The following CFAP47 variants were observed in gnomAD, a reference collection of about 807,000 sequenced individuals.
CFAP47 encodes cilia and flagella associated protein 47.
Under a neutral mutation model 148.1 loss-of-function variants are expected in CFAP47, and 29 were observed. The ratio of observed to expected loss-of-function variants is 0.20; its 90% CI spans 0.15 to 0.27. The LOEUF is 0.27. CFAP47 is among the 10% of genes least tolerant of loss of function. CFAP47 has a pLI of 1.00. For missense variants in CFAP47, 1,872 were observed against 1,697.5 expected (o/e 1.10, Z -1.81); for synonymous variants, 664 against 577.3 (o/e 1.15, Z -2.15).
intron 45 of CFAP47, among the ~76,000 whole-genome samples, chrX:36,215,375 A>G (rs896909381): frequency 1.3e-4 from 15 of 111,449 alleles, no homozygotes; most frequent in Non-Finnish European, 2.6e-4. Flanking sequence ...TTCTCTAGCT[A>G]AGATGTCAAA....
intron 63 of CFAP47, among the ~76,000 whole-genome samples, chrX:36,381,417 C>T (rs1468344518): frequency 8.9e-6 from 1 of 111,854 alleles, no homozygotes; most frequent in East Asian, 2.8e-4. Context: ...TGATTTTAAG[C>T]ATTAAGTCAA....
At chrX:36,315,230 T>C (rs1457477598) in intron 56 of CFAP47, among the ~76,000 whole-genome samples, 1 of 112,241 alleles carries the variant, frequency 8.9e-6, no homozygotes, top group Non-Finnish European at 1.9e-5. Flanking sequence ...CTAAATATTA[T>C]TGTGGTTGTG....
intron 49 of CFAP47, among the ~76,000 whole-genome samples, chrX:36,261,232 T>C (rs1018133424): frequency 9.4e-6 from 1 of 106,549 alleles, no homozygotes. Context: ...TAGTGCTTAT[T>C]AAAACACCTG....
chrX:36,095,483 A>G (rs1382349564), intron 30 of CFAP47, among the ~76,000 whole-genome samples: 1 of 111,696 alleles, frequency 9.0e-6, no homozygotes, highest in Non-Finnish European at 1.9e-5. Flanking sequence ...TAAATATTTA[A>G]ATATTCAGCA....
chrX:36,246,037 G>A (rs911894031), intron 48 of CFAP47, among the ~76,000 whole-genome samples: 3 of 111,230 alleles, frequency 2.7e-5, no homozygotes. Context: ...GTACCCAAAA[G>A]TAAATTGCAA....
chrX:36,355,697 G>A (rs782505076), intron 60 of CFAP47, among the ~76,000 whole-genome samples: 1 of 111,457 alleles, frequency 9.0e-6, no homozygotes, highest in Admixed American at 9.6e-5. Flanking sequence ...TAGTTGCTAG[G>A]ATCTGGAAGG....
At chrX:35,981,162 T>C (rs1277862454) in intron 15 of CFAP47, among the ~76,000 whole-genome samples, 1 of 108,990 alleles carries the variant, frequency 9.2e-6, no homozygotes, top group African/African-American at 3.3e-5. Flanking sequence ...AAGGAGGAAA[T>C]AATTACACAA....
At chrX:36,050,178 G>A (rs1192380440) in intron 26 of CFAP47, among the ~76,000 whole-genome samples, 1 of 111,166 alleles carries the variant, frequency 9.0e-6, no homozygotes, top group East Asian at 2.8e-4. Context: ...CAGAGAGTGG[G>A]GTGCTGCTAT....
chrX:36,050,454 G>A (rs1937514493), intron 26 of CFAP47, among the ~76,000 whole-genome samples: 1 of 111,222 alleles, frequency 9.0e-6, no homozygotes, highest in Non-Finnish European at 1.9e-5. Context: ...AACTTGTTGA[G>A]GACTGGAGTA....
At chrX:36,136,750 G>A (rs1939051716) in intron 33 of CFAP47, among the ~76,000 whole-genome samples, 1 of 110,825 alleles carries the variant, frequency 9.0e-6, no homozygotes, top group African/African-American at 3.3e-5. Flanking sequence ...CATCAAAGCT[G>A]GACAAAAAAG....
At chrX:36,222,162 T>TA (rs1333625932) in intron 45 of CFAP47, among the ~76,000 whole-genome samples, 1 of 111,985 alleles carries the variant, frequency 8.9e-6, no homozygotes, top group Non-Finnish European at 1.9e-5. Context: ...GGCAGATACT[T>TA]ACAAACTTCA....
chrX:36,184,944 A>G (rs1010673801), intron 40 of CFAP47, among the ~76,000 whole-genome samples: 1 of 111,325 alleles, frequency 9.0e-6, no homozygotes, highest in Non-Finnish European at 1.9e-5. Context: ...AGAAAAAAAA[A>G]AAAAAGAAAG....
intron 61 of CFAP47, among the ~76,000 whole-genome samples, chrX:36,364,521 G>A (rs991446888): frequency 9.1e-6 from 1 of 109,608 alleles, no homozygotes; most frequent in African/African-American, 3.3e-5. Context: ...CAGATAAAGT[G>A]GATAGTTAGG....
intron 33 of CFAP47, among the ~76,000 whole-genome samples, chrX:36,122,465 G>A (rs1385984476): frequency 9.0e-6 from 1 of 110,547 alleles, no homozygotes; most frequent in Non-Finnish European, 1.9e-5. Flanking sequence ...TATTCTCTAC[G>A]TTTTGTAGAC....
At chrX:36,361,291 T>A (rs1556019181) in intron 60 of CFAP47, 39 bp from the exon 61 acceptor site, 1 of 814,655 alleles carries the variant, frequency 1.2e-6, no homozygotes, top group South Asian at 2.5e-5. Context: ...TATGCATATT[T>A]AATTAAATTG....
At chrX:36,362,920 A>AT (rs1285223356) in intron 61 of CFAP47, among the ~76,000 whole-genome samples, 1 of 111,448 alleles carries the variant, frequency 9.0e-6, no homozygotes, top group South Asian at 3.7e-4. Context: ...ATGTTTGTTA[A>AT]TTTTTTTCAC....
At chrX:35,940,768 A>G (rs1393643433) in intron 2 of CFAP47, among the ~76,000 whole-genome samples, 2 of 111,579 alleles carry the variant, frequency 1.8e-5, no homozygotes, top group Admixed American at 1.9e-4. Context: ...CTTTTTAACC[A>G]TGAATGTCTA....
chrX:36,133,600 T>A (rs145452706), intron 33 of CFAP47, among the ~76,000 whole-genome samples: 2,316 of 110,425 alleles, frequency 0.021, 72 homozygotes, highest in African/African-American at 0.074. Flanking sequence ...AGAGCTCTCA[T>A]GATCTAATTA....
intron 49 of CFAP47, among the ~76,000 whole-genome samples, chrX:36,263,355 T>C (rs781802578): frequency 8.9e-6 from 1 of 112,247 alleles, no homozygotes; most frequent in Non-Finnish European, 1.9e-5. Context: ...AGTTTGATTA[T>C]TAAATGCCTT....
Sources: allele counts gnomAD v4.1 joint callset (sites outside exome capture counted in the v4.1 genomes callset), GRCh38; gene constraint gnomAD v4.1.1; transcripts MANE v1.5; gene names NCBI Gene and HGNC (gene_info 2026-07-23, HGNC 2026-07-21).